Variants in BIRC6 observed in about 807,000 individuals in gnomAD.
The protein encoded by BIRC6 is baculoviral IAP repeat containing 6.
A neutral mutation model predicts 503.3 loss-of-function variants in BIRC6; 98 were observed. That is an observed-to-expected ratio of 0.19 (90% CI 0.17 to 0.23). The LOEUF (loss-of-function observed/expected upper bound fraction) is 0.23, where lower values mean the gene tolerates loss of function less well. Among genes scored for constraint, BIRC6 ranks in the 10% least tolerant of loss-of-function variants. BIRC6 has a pLI of 1.00. For missense variants in BIRC6, 5,360 were observed against 5,806.0 expected (o/e 0.92, Z 2.50); for synonymous variants, 2,240 against 2,078.7 (o/e 1.08, Z -2.11).
chr2:32,399,695 C>G (rs533570991), intron 6 of BIRC6, among the ~76,000 whole-genome samples: 16 of 152,206 alleles, frequency 1.1e-4, no homozygotes, highest in African/African-American at 3.4e-4. Context: ...TAAGTTGATC[C>G]TGCTTACAAT....
At chr2:32,558,734 C>T (rs116030245) in intron 65 of BIRC6, 6 of 152,052 alleles carry the variant, frequency 3.9e-5, no homozygotes, top group Non-Finnish European at 5.9e-5. Context: ...TTTCTCTTCA[C>T]GGAGGGCTTG....
chr2:32,371,401 G>GTC (rs1187174622), intron 1 of BIRC6, among the ~76,000 whole-genome samples: 2 of 151,562 alleles, frequency 1.3e-5, no homozygotes, highest in Non-Finnish European at 2.9e-5. Context: ...TGGAGACAGA[G>GTC]TCTCGCTCTG....
chr2:32,401,489 C>G lies in BIRC6; in HGVS notation c.1284C>G (p.Ala428=). The change falls in exon 8 of 74, where the codon GCC becomes GCG. Residue 428 remains alanine, a synonymous_variant. Transcript: ENST00000421745. ...MKVHLKFEIN[A]YDPAIVQQLI... ...TGCACTTAAAGTTTGAAATTAATGCCTATGATCCAGCAATTGTACAACAGC... is the reference window on the plus strand; with the variant it reads ...TGCACTTAAAGTTTGAAATTAATGCGTATGATCCAGCAATTGTACAACAGC... The G allele has an allele frequency of 6.2e-7, 1 of 1,613,946 alleles. No individual in the cohort carries two copies. The highest frequency in any genetic ancestry group is 1.3e-5 in the African/African-American group (1 of 75,048).
chr2:32,493,933 T>C lies in BIRC6; in HGVS notation c.8468+266T>C, dbSNP rs552587378. Among the ~76,000 whole-genome samples, 11 of 152,314 alleles carry C rather than the reference T, an allele frequency of 7.2e-5. 1 individual carries two copies. In the South Asian group the frequency reaches 2.3e-3, roughly 32 times the overall value. On this transcript the variant is annotated intron_variant, in intron 45 of 73. Transcript: ENST00000421745. ...TTTTAATGGTTTTATAGATTAGTTA[T>C]TATAAGCTTTTTAAAAGGTGAAATT...
intron 22 of BIRC6, among the ~76,000 whole-genome samples, chr2:32,451,677 C>T (rs1355432176): frequency 1.3e-5 from 2 of 152,192 alleles, no homozygotes; most frequent in African/African-American, 2.4e-5. Context: ...CAGTTACAAG[C>T]TGAACTACTT....
intron 8 of BIRC6, among the ~76,000 whole-genome samples, chr2:32,403,678 T>A (rs988939834): frequency 6.6e-6 from 1 of 152,192 alleles, no homozygotes; most frequent in Admixed American, 6.6e-5. Context: ...GAAACACATA[T>A]AATCTTAACT....
At chr2:32,406,181 C>T (rs2041189578) in intron 8 of BIRC6, among the ~76,000 whole-genome samples, 1 of 152,076 alleles carries the variant, frequency 6.6e-6, no homozygotes, top group African/African-American at 2.4e-5. Context: ...TGCTTAAGCC[C>T]AAGGGTTCAA....
intron 43 of BIRC6, 110 bp from the exon 44 acceptor site, chr2:32,491,315 A>C: frequency 9.1e-7 from 1 of 1,098,984 alleles, no homozygotes; most frequent in African/African-American, 1.6e-5. Flanking sequence ...ATAAACTGTA[A>C]TTACTAGGAA....
In BIRC6 at chr2:32,572,834, C is replaced by T. The variant is rs117945399; in HGVS notation, c.13145-2322C>T. Among the ~76,000 whole-genome samples, 182 of 152,304 alleles carry T rather than the reference C, an allele frequency of 1.2e-3. 1 individual carries two copies. In the East Asian group the frequency reaches 0.032, roughly 27 times the overall value. On this transcript the variant is annotated intron_variant, in intron 65 of 73. Transcript: ENST00000421745. Reference sequence around the variant, plus strand: ...TGACCTTCTCTTCCATCACTTTGAACGTCACTCCAAGTAGCCTCACTGTCA... The same window carrying T: ...TGACCTTCTCTTCCATCACTTTGAATGTCACTCCAAGTAGCCTCACTGTCA...
chr2:32,518,387 C>G lies in BIRC6; in HGVS notation c.11483C>G (p.Ser3828Cys). The G allele has an allele frequency of 1.2e-6, 2 of 1,607,690 alleles. No homozygotes were observed. Among genetic ancestry groups the G allele is most frequent in the Non-Finnish European group, 8.5e-7 (1 of 1,178,522 alleles). The stretch of plus-strand genomic sequence containing the variant: ...GAGAAAGTGACAATGTTTCTTCAGT[C>G]TCCATGTCCAGTGAGTATTTAACAC... ...EDEKVTMFLQ[S>C]PCPLYKGRIN... The change falls in exon 56 of 74, where the codon TCT (serine) becomes TGT (cysteine). Residue 3828 changes from serine (S) to cysteine (C), a missense_variant. Transcript: ENST00000421745.
chr2:32,455,263 C>G (rs188999511), intron 23 of BIRC6, among the ~76,000 whole-genome samples: 217 of 151,732 alleles, frequency 1.4e-3, no homozygotes, highest in Middle Eastern at 3.4e-3. Context: ...GCCTGTAGTC[C>G]CAGCTACTCA....
At chr2:32,423,681 C>A (rs1247289262) in intron 10 of BIRC6, among the ~76,000 whole-genome samples, 2 of 152,180 alleles carry the variant, frequency 1.3e-5, no homozygotes, top group Non-Finnish European at 2.9e-5. Context: ...TCCACCCCCC[C>A]AATCCCTGCC....
chr2:32,433,617 T>C (rs923989713), intron 12 of BIRC6, 27 bp from the exon 13 acceptor site: 1 of 1,519,566 alleles, frequency 6.6e-7, no homozygotes, highest in African/African-American at 1.4e-5. Flanking sequence ...TTTTGCTTTA[T>C]TTAGCATTTT....
In BIRC6 at chr2:32,392,165, T is replaced by TA. The variant is rs2039308802; in HGVS notation, c.951+22dup. On this transcript the variant is annotated intron_variant, in intron 5 of 73. Coordinates refer to ENST00000421745, the MANE Select transcript of BIRC6 (RefSeq NM_016252.4). ...TTTATCATCAGGTAAAAAAAGAATA[T>TA]AAAAAAATACTTTTCTCAGTAGGCC... 3 of 1,514,568 alleles carry TA rather than the reference T, an allele frequency of 2.0e-6. No homozygotes were observed. Among genetic ancestry groups the TA allele is most frequent in the South Asian group, 1.2e-5 (1 of 81,570 alleles). 93.8% of individuals were successfully genotyped at this position (1,514,568 alleles called of 1,614,324 possible). A position where few individuals can be genotyped will look rare whatever the true frequency, so the allele number is the denominator to read the frequency against.
At chr2:32,451,997 A>G (rs905621750) in intron 22 of BIRC6, among the ~76,000 whole-genome samples, 7 of 152,236 alleles carry the variant, frequency 4.6e-5, no homozygotes, top group African/African-American at 1.4e-4. Context: ...CTTTAAAAGT[A>G]TAAAATATAT....
At chr2:32,512,757 A>G (rs973511714) in intron 53 of BIRC6, among the ~76,000 whole-genome samples, 176 bp from the exon 54 acceptor site, 7 of 152,212 alleles carry the variant, frequency 4.6e-5, no homozygotes, top group African/African-American at 1.4e-4. Context: ...TGGAACTAGT[A>G]TGTCTTTGTT....
intron 3 of BIRC6, among the ~76,000 whole-genome samples, chr2:32,386,729 CTG>C (rs1476670704): frequency 1.3e-5 from 2 of 152,148 alleles, no homozygotes; most frequent in Non-Finnish European, 2.9e-5. Flanking sequence ...TATGAAGGCA[CTG>C]TGCCCAACCT....
chr2:32,418,952 AAAAC>A (rs1473523057), intron 10 of BIRC6, among the ~76,000 whole-genome samples: 9 of 152,188 alleles, frequency 5.9e-5, no homozygotes, highest in African/African-American at 1.2e-4. Flanking sequence ...CATCTCAAAC[AAAAC>A]AAACAAACAA....
chr2:32,594,198 G>T, intron 67 of BIRC6, 138 bp downstream of exon 67: 1 of 883,100 alleles, frequency 1.1e-6, no homozygotes, highest in African/African-American at 1.7e-5. Context: ...TTTGTTCTCT[G>T]TTAGATTTTG....
Sources: gnomAD v4.1 joint callset for allele counts (sites outside exome capture counted in the v4.1 genomes callset) on GRCh38, gnomAD v4.1.1 for gene constraint, MANE v1.5 for transcripts, NCBI Gene and HGNC (gene_info 2026-07-23, HGNC 2026-07-21) for gene names.